The following RABGAP1L variants were observed in gnomAD, a reference collection of about 807,000 sequenced individuals.
The protein encoded by RABGAP1L is rab GTPase-activating protein 1-like.
RABGAP1L carries 63 observed loss-of-function variants against 137.7 expected under a neutral mutation model. The ratio of observed to expected loss-of-function variants is 0.46; its 90% CI spans 0.37 to 0.56. RABGAP1L has a LOEUF of 0.56. Ranked by LOEUF, RABGAP1L falls within the 20% of genes least tolerant of loss-of-function variation. RABGAP1L has a pLI of 0.00. For missense variants in RABGAP1L, 1,095 were observed against 1,244.0 expected, an observed-to-expected ratio of 0.88 and a Z score of 1.80; for synonymous variants, 431 against 433.7, an observed-to-expected ratio of 0.99 and a Z score of 0.08.
chr1:174,904,164 A>G (rs1340147032), intron 19 of RABGAP1L, among the ~76,000 whole-genome samples: 1 of 152,044 alleles, frequency 6.6e-6, no homozygotes, highest in Non-Finnish European at 1.5e-5. Flanking sequence ...CTGCCTGGCA[A>G]TAAGCTTGAG....
At position 174,440,933 on chromosome 1, in the gene RABGAP1L, A is replaced by G. The variant is rs561933617; in HGVS notation, c.1710+46788A>G. ...ATAGGCATTGCCTACTGTTTATCCT[A>G]TTTGCCATTGATGGCTAATGGTCCT... On this transcript the variant is annotated intron_variant, in intron 13 of 25. Transcript: ENST00000681986. Among the ~76,000 whole-genome samples the G allele has an allele frequency of 2.6e-5, 4 of 152,024 alleles. No individual in the cohort carries two copies. The South Asian group carries it at 6.2e-4, about 24-fold the overall frequency.
chr1:174,617,197 A>G (rs1373265059), intron 13 of RABGAP1L, among the ~76,000 whole-genome samples: 1 of 152,234 alleles, frequency 6.6e-6, no homozygotes, highest in Non-Finnish European at 1.5e-5. Flanking sequence ...ACTGCTATTT[A>G]TGATTTGGCT....
rs1340132949 is a variant in RABGAP1L at position 174,348,002 on chromosome 1, A to G, written c.1466-22977A>G. Among the ~76,000 whole-genome samples, 4 of 151,948 alleles carry G rather than the reference A, an allele frequency of 2.6e-5. No individual in the cohort carries two copies. The South Asian group carries it at 8.3e-4, about 32-fold the overall frequency. The stretch of plus-strand genomic sequence containing the variant: ...TTATTGGAGAGTTTAGTCCATTTAC[A>G]TTCTGTATTATTATTGATAAATGAG... On this transcript the variant is annotated intron_variant, in intron 11 of 25. Coordinates refer to ENST00000681986, the MANE Select transcript of RABGAP1L (RefSeq NM_001366446.1).
intron 19 of RABGAP1L, among the ~76,000 whole-genome samples, chr1:174,952,764 A>G (rs61828147): frequency 9.2e-5 from 14 of 151,838 alleles, no homozygotes; most frequent in African/African-American, 3.4e-4. Flanking sequence ...TAATTTTTGT[A>G]TGTTTTGTAA....
chr1:174,583,962 A>G (rs546094575), intron 13 of RABGAP1L, among the ~76,000 whole-genome samples: 3 of 152,192 alleles, frequency 2.0e-5, no homozygotes, highest in Non-Finnish European at 2.9e-5. Flanking sequence ...CTTGTCTAAG[A>G]GTATACAGTG....
chr1:174,656,559 A>C (rs1675986361), intron 14 of RABGAP1L, among the ~76,000 whole-genome samples: 1 of 152,234 alleles, frequency 6.6e-6, no homozygotes, highest in African/African-American at 2.4e-5. Flanking sequence ...CATTTCCATC[A>C]GTCCAAAAAG....
intron 13 of RABGAP1L, among the ~76,000 whole-genome samples, chr1:174,605,486 C>T (rs1183188300): frequency 6.6e-6 from 1 of 152,052 alleles, no homozygotes; most frequent in Non-Finnish European, 1.5e-5. Flanking sequence ...GCTTTGTCTT[C>T]AGGATTATAC....
At chr1:174,764,711 A>G (rs895946848) in intron 18 of RABGAP1L, among the ~76,000 whole-genome samples, 16 of 152,088 alleles carry the variant, frequency 1.1e-4, no homozygotes, top group African/African-American at 2.7e-4. Context: ...CCTAGACTCA[A>G]TCCTTCTGCC....
At chr1:174,578,828 A>C (rs1304423630) in intron 13 of RABGAP1L, among the ~76,000 whole-genome samples, 1 of 152,166 alleles carries the variant, frequency 6.6e-6, no homozygotes, top group East Asian at 1.9e-4. Flanking sequence ...TGGATACTGC[A>C]GTCAATATGA....
intron 7 of RABGAP1L, among the ~76,000 whole-genome samples, chr1:174,258,304 A>T (rs1673289604): frequency 6.6e-6 from 1 of 152,192 alleles, no homozygotes; most frequent in South Asian, 2.1e-4. Flanking sequence ...CTTTTTTGTT[A>T]GACTGGGTCT....
chr1:174,177,178 T>C (rs1295824399), intron 1 of RABGAP1L, among the ~76,000 whole-genome samples: 3 of 152,194 alleles, frequency 2.0e-5, no homozygotes, highest in Admixed American at 6.5e-5. Context: ...CCATTCTAAC[T>C]GGCGTGAGAT....
intron 13 of RABGAP1L, among the ~76,000 whole-genome samples, chr1:174,550,999 C>CATATATATATATATATATATATATAT (rs549477266): frequency 3.5e-5 from 3 of 86,348 alleles, no homozygotes; most frequent in African/African-American, 2.5e-4. Context: ...TATATATACA[C>CATATATATATATATATATATATATAT]ATATATATAT....
At chr1:174,905,362 C>T (rs1017516043) in intron 19 of RABGAP1L, among the ~76,000 whole-genome samples, 6 of 152,036 alleles carry the variant, frequency 3.9e-5, no homozygotes, top group African/African-American at 1.5e-4. Context: ...TCAGTGATCA[C>T]CATCATAACA....
chr1:174,696,356 T>G (rs1181242012), intron 15 of RABGAP1L, among the ~76,000 whole-genome samples: 1 of 151,816 alleles, frequency 6.6e-6, no homozygotes, highest in Non-Finnish European at 1.5e-5. Flanking sequence ...GGGGAAGGGG[T>G]GTAAGTATAG....
chr1:174,511,514 A>G (rs543611233), intron 13 of RABGAP1L, among the ~76,000 whole-genome samples: 47 of 152,252 alleles, frequency 3.1e-4, no homozygotes, highest in African/African-American at 1.1e-3. Flanking sequence ...CTACTGGAGT[A>G]ATTGTAGGTA....
chr1:174,865,954 A>C (rs1651131694), intron 19 of RABGAP1L, among the ~76,000 whole-genome samples: 1 of 152,178 alleles, frequency 6.6e-6, no homozygotes, highest in Non-Finnish European at 1.5e-5. Context: ...CAAAGAGAAC[A>C]ATGTAGGATA....
In RABGAP1L at chr1:174,383,062, G is replaced by T. The variant is rs1377709408; in HGVS notation, c.1560-10933G>T. ...GAATACCCTGCGATGTGAGGTGTCA[G>T]TGTGCCCCTGCTGGGGGGTGCCTCC... On this transcript the variant is annotated intron_variant, in intron 12 of 25. Coordinates refer to ENST00000681986, the MANE Select transcript of RABGAP1L (RefSeq NM_001366446.1). Among the ~76,000 whole-genome samples, 5 of 151,316 alleles carry T rather than the reference G, an allele frequency of 3.3e-5. No homozygotes were observed. The East Asian group carries it at 7.8e-4, about 24-fold the overall frequency.
chr1:174,515,639 C>T (rs753901173), intron 13 of RABGAP1L, among the ~76,000 whole-genome samples: 3 of 152,080 alleles, frequency 2.0e-5, no homozygotes, highest in African/African-American at 4.8e-5. Flanking sequence ...ACCATACTTA[C>T]GTGTTTCATT....
intron 13 of RABGAP1L, among the ~76,000 whole-genome samples, chr1:174,478,209 C>A (rs752605853): frequency 1.3e-5 from 2 of 151,892 alleles, no homozygotes; most frequent in African/African-American, 4.8e-5. Flanking sequence ...CAAAGAAATT[C>A]AAGGGGACTA....
Sources: gnomAD v4.1 joint callset for allele counts (sites outside exome capture counted in the v4.1 genomes callset) on GRCh38, gnomAD v4.1.1 for gene constraint, MANE v1.5 for transcripts, NCBI Gene and HGNC (gene_info 2026-07-23, HGNC 2026-07-21) for gene names.